The following CD8B variants were observed in gnomAD, a reference collection of about 807,000 sequenced individuals.
CD8B encodes the protein T-cell surface glycoprotein CD8 beta chain.
In CD8B, 6 loss-of-function variants were observed where a neutral mutation model predicts 24.2. The ratio of observed to expected loss-of-function variants is 0.25; its 90% CI spans 0.14 to 0.49. The LOEUF is 0.49. Among genes scored for constraint, CD8B ranks in the 20% least tolerant of loss-of-function variants. CD8B has a pLI of 0.98. For synonymous variants in CD8B, 84 were observed against 108.3 expected (o/e 0.78, Z 1.39); for missense variants, 196 against 271.3 (o/e 0.72, Z 1.95).
At chr2:86,824,768 A>G (rs917497824) in intron 5 of CD8B, among the ~76,000 whole-genome samples, 1 of 152,192 alleles carries the variant, frequency 6.6e-6, no homozygotes, top group African/African-American at 2.4e-5. Context: ...GACCTTGCTT[A>G]CTATAAACAC....
At chr2:86,851,319 G>C (rs1285413685) in intron 3 of CD8B, among the ~76,000 whole-genome samples, 1 of 152,054 alleles carries the variant, frequency 6.6e-6, no homozygotes, top group African/African-American at 2.4e-5. Context: ...TACAACTTGG[G>C]GTCTTCCCTT....
rs531484416 is a variant in CD8B at position 86,838,882 on chromosome 2, G to A, written c.*3425C>T. Among the ~76,000 whole-genome samples the A allele has an allele frequency of 1.1e-3, 161 of 152,296 alleles. No individual in the cohort carries two copies. Among genetic ancestry groups the A allele is most frequent in the Admixed American group, 1.8e-3 (28 of 15,308 alleles). On this transcript the variant is annotated 3_prime_UTR_variant, in exon 6 of 6. Coordinates refer to ENST00000390655, the MANE Select transcript of CD8B (RefSeq NM_004931.5). The stretch of plus-strand genomic sequence containing the variant: ...TTGGATTTTAAAAAGTCTCTTTCTT[G>A]AAGTATAATTTACATCTATATCCAT...
chr2:86,821,825 C>A, intron 5 of CD8B: 1 of 334,876 alleles, frequency 3.0e-6, no homozygotes, highest in Non-Finnish European at 6.6e-6. Context: ...TCCGAGCCCC[C>A]TGCTTCCTCC....
chr2:86,852,500 G>A (rs538894146), intron 3 of CD8B, among the ~76,000 whole-genome samples: 1 of 151,550 alleles, frequency 6.6e-6, no homozygotes, highest in Admixed American at 6.6e-5. Flanking sequence ...TCTTTCCCAA[G>A]CCCCCAGCCT....
rs144731441 is a variant in CD8B, at chr2:86,819,008, G to A, written c.621-3290C>T. ...AGAGTTTTAGTGGTCTGGGTAAATC[G>A]GAACAGCCACAAAATTCCCTTAAGC... On this transcript the variant is annotated intron_variant, in intron 5 of 5. Coordinates refer to the CD8B transcript ENST00000331469. Among the ~76,000 whole-genome samples, 654 of 152,256 alleles carry A rather than the reference G, an allele frequency of 4.3e-3. 7 individuals are homozygous for A. Among genetic ancestry groups the A allele is most frequent in the African/African-American group, 0.014 (601 of 41,552 alleles).
intron 5 of CD8B, among the ~76,000 whole-genome samples, chr2:86,829,794 CG>C (rs1674836440): frequency 6.6e-6 from 1 of 152,172 alleles, no homozygotes; most frequent in African/African-American, 2.4e-5. Flanking sequence ...GCAACTGTTT[CG>C]GTAAATCTTT....
chr2:86,831,037 A>G (rs1674887292), intron 5 of CD8B, among the ~76,000 whole-genome samples: 1 of 152,080 alleles, frequency 6.6e-6, no homozygotes, highest in African/African-American at 2.4e-5. Context: ...TATTTAACCA[A>G]TTGTCTCGGC....
chr2:86,829,925 TCTG>T (rs886967751), intron 5 of CD8B, among the ~76,000 whole-genome samples: 10 of 152,274 alleles, frequency 6.6e-5, no homozygotes, highest in Admixed American at 5.2e-4. Context: ...CGTTTGATAA[TCTG>T]CTTTTTAAAT....
intron 2 of CD8B, among the ~76,000 whole-genome samples, chr2:86,856,543 C>T (rs1444718717): frequency 6.6e-6 from 1 of 152,082 alleles, no homozygotes; most frequent in Non-Finnish European, 1.5e-5. Context: ...GTGCTGCTGT[C>T]CCCAGCTGCC....
chr2:86,834,740 G>A (rs919357790), downstream of CD8B, among the ~76,000 whole-genome samples: 1 of 152,090 alleles, frequency 6.6e-6, no homozygotes, highest in Non-Finnish European at 1.5e-5. Context: ...TTCGAGACCA[G>A]CCTGACCAAC....
intron 2 of CD8B, among the ~76,000 whole-genome samples, chr2:86,855,035 C>T (rs1430026386): frequency 2.0e-5 from 3 of 151,528 alleles, no homozygotes; most frequent in Non-Finnish European, 2.9e-5. Context: ...GCAGCAGAGT[C>T]GTTTGAACCT....
chr2:86,849,035 T>A lies in CD8B; in HGVS notation c.494-2262A>T, dbSNP rs1175772417. The stretch of plus-strand genomic sequence containing the variant: ...CCTGGCTTGCCATTATTTTTACCTC[T>A]CATTTCACAGTTCAAAAAACAAAAA... On this transcript the variant is annotated intron_variant, in intron 3 of 5. Transcript: ENST00000390655. Among the ~76,000 whole-genome samples the A allele has an allele frequency of 4.6e-5, 7 of 151,692 alleles. No individual in the cohort carries two copies. In the East Asian group the frequency reaches 1.2e-3, roughly 26 times the overall value.
chr2:86,852,123 C>T (rs1676005991), intron 3 of CD8B, among the ~76,000 whole-genome samples: 1 of 152,160 alleles, frequency 6.6e-6, no homozygotes, highest in South Asian at 2.1e-4. Context: ...TGCCACCACG[C>T]CCAGCTAATT....
chr2:86,860,837 G>A (rs1337968459), intron 1 of CD8B, among the ~76,000 whole-genome samples: 2 of 152,144 alleles, frequency 1.3e-5, no homozygotes, highest in Admixed American at 6.5e-5. Flanking sequence ...GACACACCCC[G>A]GCTCTTCCCG....
intron 5 of CD8B, chr2:86,822,479 A>G (rs1674519767): frequency 1.5e-6 from 1 of 668,132 alleles, no homozygotes; most frequent in South Asian, 2.1e-5. Flanking sequence ...ATTCAATATA[A>G]TTTTAGGCAT....
intron 2 of CD8B, among the ~76,000 whole-genome samples, chr2:86,857,088 G>A (rs1159738484): frequency 6.6e-6 from 1 of 151,948 alleles, no homozygotes; most frequent in African/African-American, 2.4e-5. Flanking sequence ...GGTCATGGAG[G>A]CCATCAGCAC....
chr2:86,843,548 T>A (rs1459379703), intron 5 of CD8B: 11 of 982,696 alleles, frequency 1.1e-5, no homozygotes, highest in Non-Finnish European at 1.3e-5. Flanking sequence ...CCAGCAGGCA[T>A]GTTTAAGCCA....
At position 86,822,512 on chromosome 2, in the gene CD8B, T is replaced by G. The variant is rs189858788; in HGVS notation, c.621-6794A>C. 30 of 559,890 alleles carry G rather than the reference T, an allele frequency of 5.4e-5. No homozygotes were observed. In the East Asian group the frequency reaches 8.7e-4, roughly 16 times the overall value. 34.7% of individuals were successfully genotyped at this position (559,890 alleles called of 1,614,324 possible). A position where few individuals can be genotyped will look rare whatever the true frequency, so the allele number is the denominator to read the frequency against. ...CATTAACATGATGATGTTTTAGAAT[T>G]ATGAAACCTATGGAAAGGTTGACAA... On this transcript the variant is annotated intron_variant, in intron 5 of 5. Transcript: ENST00000331469.
In CD8B at chr2:86,853,186, G is replaced by A. The variant is rs1573523373; in HGVS notation, c.404-100C>T. ...TGGCGGGTGCGGTGGCTCATGCCTGGAATCCCAACACTTCCGGAGGCCAAG... is the reference window on the plus strand; with the variant it reads ...TGGCGGGTGCGGTGGCTCATGCCTGAAATCCCAACACTTCCGGAGGCCAAG... On this transcript the variant is annotated intron_variant, in intron 2 of 5. Transcript: ENST00000390655. The A allele has an allele frequency of 3.0e-5, 46 of 1,536,648 alleles. 1 individual carries two copies. In the South Asian group the frequency reaches 5.3e-4, roughly 18 times the overall value.
Sources: gnomAD v4.1 joint callset for allele counts (sites outside exome capture counted in the v4.1 genomes callset) on GRCh38, gnomAD v4.1.1 for gene constraint, MANE v1.5 for transcripts, NCBI Gene and HGNC (gene_info 2026-07-23, HGNC 2026-07-21) for gene names.